Variants in WNT2B observed in about 807,000 individuals in gnomAD.
The protein encoded by WNT2B is Wnt family member 2B.
In WNT2B, 19 loss-of-function variants were observed where a neutral mutation model predicts 40.5. That is an observed-to-expected ratio of 0.47 (90% CI 0.33 to 0.69). The LOEUF (loss-of-function observed/expected upper bound fraction) is 0.69, where lower values mean the gene tolerates loss of function less well. Ranked by LOEUF, WNT2B falls within the 30% of genes least tolerant of loss-of-function variation. The pLI is 0.02. For synonymous variants in WNT2B, 220 were observed against 211.9 expected (o/e 1.04, Z -0.33); for missense variants, 467 against 556.4 (o/e 0.84, Z 1.62).
intron 1 of WNT2B, among the ~76,000 whole-genome samples, chr1:112,500,598 C>G (rs550023462): frequency 6.6e-6 from 1 of 151,000 alleles, no homozygotes; most frequent in Admixed American, 6.7e-5. Context: ...AGTGAGACCC[C>G]GTCACTAAAA....
At chr1:112,492,794 C>T in intron 1 of WNT2B, among the ~76,000 whole-genome samples, 1 of 152,192 alleles carries the variant, frequency 6.6e-6, no homozygotes. Flanking sequence ...CTCTAACCAT[C>T]CTATACTACC....
chr1:112,482,572 A>G (rs1441653172), intron 1 of WNT2B, among the ~76,000 whole-genome samples: 5 of 152,244 alleles, frequency 3.3e-5, no homozygotes, highest in Admixed American at 3.3e-4. Context: ...GCCTCAAGCA[A>G]TCCTCCTGCC....
chr1:112,495,028 T>C lies in WNT2B; in HGVS notation c.-94-19846T>C, dbSNP rs1385285929. On this transcript the variant is annotated intron_variant, in intron 1 of 4. Coordinates refer to the WNT2B transcript ENST00000256640. ...GGAGGAACTAGTATTATTTTGTTAT[T>C]ACAAGGTACTCACCCTACTGATGAA... is the stretch of plus-strand genomic sequence containing the variant. Among the ~76,000 whole-genome samples the C allele has an allele frequency of 2.0e-5, 3 of 151,524 alleles. 1 individual carries two copies. Among genetic ancestry groups the C allele is most frequent in the African/African-American group, 7.4e-5 (3 of 40,796 alleles).
At position 112,527,151 on chromosome 1, in the gene WNT2B, C is replaced by T. The variant is rs974130281; in HGVS notation, c.*6642C>T. ...CTTCTGTTCAATCCTGTAATGTTTT[C>T]TGTTAGAGACAGCATAGGCTACCTA... is the stretch of plus-strand genomic sequence containing the variant. On this transcript the variant is annotated 3_prime_UTR_variant, in exon 5 of 5. Transcript: ENST00000369684. 8 of 152,398 alleles carry T rather than the reference C, an allele frequency of 5.2e-5. No individual in the cohort carries two copies. The highest frequency in any genetic ancestry group is 1.0e-4 in the Non-Finnish European group (7 of 68,064). 9.4% of individuals were successfully genotyped at this position (152,398 alleles called of 1,614,324 possible).
At chr1:112,496,962 A>C (rs1651796685) in intron 1 of WNT2B, among the ~76,000 whole-genome samples, 1 of 152,332 alleles carries the variant, frequency 6.6e-6, no homozygotes, top group East Asian at 1.9e-4. Context: ...GTCCCAAGTA[A>C]GTCTAAAACC....
rs1249114217 is a variant in WNT2B, at chr1:112,515,906, A to G, written c.404-234A>G. Among the ~76,000 whole-genome samples, 1 of 152,212 alleles carries G rather than the reference A, an allele frequency of 6.6e-6. No homozygotes were observed. The highest frequency in any genetic ancestry group is 1.9e-4 in the East Asian group (1 of 5,190). On this transcript the variant is annotated intron_variant, in intron 2 of 4. Transcript: ENST00000369684. The surrounding 1 kb of genome is among the most constrained non-coding windows in gnomAD (Gnocchi z 4.4). ...GGAAACAAGAGTATAGGTCAGCTCA[A>G]AAGGTCAGATATACAAAGAAGTGGA...
rs1281751407 is a variant in WNT2B, at chr1:112,523,798, C to G, written c.*3289C>G. On this transcript the variant is annotated 3_prime_UTR_variant, in exon 5 of 5. Coordinates refer to ENST00000369684, the MANE Select transcript of WNT2B (RefSeq NM_024494.3). ...CTATATATTTTAAGGATCTAAGAAT[C>G]CTTTAGAGAAGGCACATGACTGAAG... 6.6e-6 allele frequency: 1 copy of G among 151,978 alleles called. No homozygotes were observed. The highest frequency in any genetic ancestry group is 1.5e-5 in the Non-Finnish European group (1 of 68,000). 9.4% of individuals were successfully genotyped at this position (151,978 alleles called of 1,614,324 possible). A position where few individuals can be genotyped will look rare whatever the true frequency, so the allele number is the denominator to read the frequency against.
chr1:112,520,015 G>A (rs2101099928), intron 4 of WNT2B, among the ~76,000 whole-genome samples: 1 of 151,984 alleles, frequency 6.6e-6, no homozygotes, highest in South Asian at 2.1e-4. Context: ...AGGACTACAG[G>A]CTCATGCCCA....
rs1463755288 is a variant in WNT2B at position 112,520,490 on chromosome 1, A to T, written c.1157A>T (p.Glu386Val). Residue 386 changes from glutamate (E) to valine (V), a missense_variant, in exon 5 of 5, where the codon GAG becomes GTG. Glu to Val is a moderately radical substitution (Grantham distance 121, BLOSUM62 -2). Around this residue, in one of 2 missense-constraint regions of WNT2B, gnomAD observed 330 missense variants for 438.6 expected, o/e 0.75. Coordinates refer to ENST00000369684, the MANE Select transcript of WNT2B (RefSeq NM_024494.3). Reference sequence around the variant, plus strand: ...ACTTGCAAAGCCCCCAAGAAGGCAGAGTGGCTGGACCAAACCTGAACACAC... The same window carrying T: ...ACTTGCAAAGCCCCCAAGAAGGCAGTGTGGCTGGACCAAACCTGAACACAC... ...VHTCKAPKKAEWLDQT is the reference protein window; with the variant it reads ...VHTCKAPKKAVWLDQT 6.2e-7 allele frequency: 1 copy of T among 1,614,162 alleles called. No homozygotes were observed. The highest frequency in any genetic ancestry group is 1.1e-5 in the South Asian group (1 of 91,082).
At chr1:112,508,862 C>G, upstream of WNT2B, 3 of 1,010,118 alleles carry the variant, frequency 3.0e-6, no homozygotes, top group Non-Finnish European at 3.5e-6. The surrounding 1 kb of genome is among the most constrained non-coding windows in gnomAD (Gnocchi z 4.2). Context: ...GCGGAGCGCC[C>G]CGGGCTTGGC....
chr1:112,517,100 A>C (rs764049686), intron 3 of WNT2B, 21 bp from the exon 4 acceptor site: 1 of 1,603,002 alleles, frequency 6.2e-7, no homozygotes, highest in Non-Finnish European at 8.5e-7. Context: ...TTCTCCCTTA[A>C]CTGCCTTCCC....
chr1:112,480,972 C>T (rs893379163), intron 1 of WNT2B, among the ~76,000 whole-genome samples: 7 of 152,128 alleles, frequency 4.6e-5, no homozygotes, highest in African/African-American at 1.7e-4. Context: ...AGATCAAGAT[C>T]AGCCTGACCA....
upstream of WNT2B, among the ~76,000 whole-genome samples, chr1:112,504,084 C>A (rs1652037445): frequency 8.0e-6 from 1 of 125,002 alleles, no homozygotes; most frequent in African/African-American, 3.1e-5. Flanking sequence ...GACTGGGAAC[C>A]CTCCCTTGGG....
upstream of WNT2B, among the ~76,000 whole-genome samples, chr1:112,508,403 G>A (rs573920032): frequency 1.5e-4 from 22 of 151,600 alleles, 1 homozygote; most frequent in South Asian, 4.4e-3. This position sits in a 1 kb window ranked among gnomAD's most constrained non-coding sequence, Gnocchi z 4.2. Flanking sequence ...GGGTGCAGTG[G>A]CTCAGAAGAA....
intron 1 of WNT2B, among the ~76,000 whole-genome samples, chr1:112,498,076 TC>T (rs1227579022): frequency 6.6e-6 from 1 of 151,394 alleles, no homozygotes; most frequent in African/African-American, 2.4e-5. Flanking sequence ...CTGTCCCCTT[TC>T]CCCCCCAACC....
In WNT2B at chr1:112,529,751, TAAAAAAAAAAA is replaced by T. The variant is rs78844605; in HGVS notation, c.*9253_*9263del. On this transcript the variant is annotated 3_prime_UTR_variant, in exon 5 of 5. Transcript: ENST00000369684. ...TCAATGCCATCCAAAAGATAAAAGTTAAAAAAAAAAAAAAAAAAAAAGGTAACTATGCTCAT... is the reference window on the plus strand; with the variant it reads ...TCAATGCCATCCAAAAGATAAAAGTTAAAAAAAAAAGGTAACTATGCTCAT... The T allele has an allele frequency of 5.1e-5, 5 of 98,990 alleles. No homozygotes were observed. The highest frequency in any genetic ancestry group is 1.9e-4 in the African/African-American group (5 of 26,494). 6.1% of individuals were successfully genotyped at this position (98,990 alleles called of 1,614,324 possible).
chr1:112,492,086 T>C (rs2101065648), intron 1 of WNT2B, among the ~76,000 whole-genome samples: 1 of 152,076 alleles, frequency 6.6e-6, no homozygotes, highest in South Asian at 2.1e-4. Context: ...GAAAAGACAT[T>C]TTCAAAATAT....
At chr1:112,468,924 T>A (rs189962696) in intron 1 of WNT2B, among the ~76,000 whole-genome samples, 113 of 152,294 alleles carry the variant, frequency 7.4e-4, no homozygotes, top group African/African-American at 2.6e-3. Flanking sequence ...CTTCTAGTAG[T>A]TTTATAGTTT....
intron 1 of WNT2B, among the ~76,000 whole-genome samples, chr1:112,490,457 G>A (rs140243716): frequency 0.02 from 3,059 of 151,894 alleles, 42 homozygotes; most frequent in Non-Finnish European, 0.029. Context: ...AGAGATAAGA[G>A]AACAATAAAT....
Sources: gnomAD v4.1 joint callset for allele counts (sites outside exome capture counted in the v4.1 genomes callset) on GRCh38, gnomAD v4.1.1 for gene constraint, gnomAD v4.1.1 regional missense constraint, Gnocchi (gnomAD v3.1) non-coding constraint, MANE v1.5 for transcripts, NCBI Gene and HGNC (gene_info 2026-07-23, HGNC 2026-07-21) for gene names.